Variants in AGMO observed in about 807,000 individuals in gnomAD.
The protein encoded by AGMO is alkylglycerol monooxygenase.
AGMO carries 75 observed loss-of-function variants against 60.2 expected under a neutral mutation model. The ratio of observed to expected loss-of-function variants is 1.25; its 90% CI spans 1.03 to 1.51. The LOEUF (loss-of-function observed/expected upper bound fraction) is 1.51. Among genes scored for constraint, AGMO ranks in the 40% most tolerant of loss-of-function variants. The pLI, the probability that AGMO is intolerant of heterozygous loss-of-function variation, is 0.00. For missense variants in AGMO, 763 were observed against 525.5 expected (o/e 1.45, Z -4.42); for synonymous variants, 261 against 177.1 (o/e 1.47, Z -3.76).
chr7:15,128,811 A>T, the AGMO span, among the ~76,000 whole-genome samples: 1 of 152,096 alleles, frequency 6.6e-6, no homozygotes, highest in Non-Finnish European at 1.5e-5. Context: ...GACAATCAGC[A>T]CTTAAATTAG....
chr7:15,433,779 T>TAA (rs34783562), intron 3 of AGMO, among the ~76,000 whole-genome samples: 1 of 16,148 alleles, frequency 6.2e-5, no homozygotes, highest in African/African-American at 2.3e-4. Context: ...TTAATATATG[T>TAA]ATATGTTATT....
intron 12 of AGMO, among the ~76,000 whole-genome samples, chr7:15,269,085 C>T (rs1783519780): frequency 6.6e-6 from 1 of 151,988 alleles, no homozygotes; most frequent in Non-Finnish European, 1.5e-5. Flanking sequence ...ACGTTTTGTT[C>T]CACTATTCAA....
At chr7:15,332,552 TGACCCATCCTGACCTGAC>T (rs1781530834) in intron 12 of AGMO, among the ~76,000 whole-genome samples, 1 of 152,162 alleles carries the variant, frequency 6.6e-6, no homozygotes, top group Admixed American at 6.6e-5. Flanking sequence ...CTACAGCTTC[TGACCCATCCTGACCTGAC>T]AACCTGATTT....
intron 12 of AGMO, among the ~76,000 whole-genome samples, chr7:15,237,539 A>C (rs938036881): frequency 4.4e-4 from 67 of 152,186 alleles, no homozygotes; most frequent in African/African-American, 1.3e-3. Context: ...TCACCACATG[A>C]AACTACAGAA....
chr7:15,533,049 T>C (rs1784407508), intron 3 of AGMO, among the ~76,000 whole-genome samples: 1 of 152,096 alleles, frequency 6.6e-6, no homozygotes, highest in South Asian at 2.1e-4. Flanking sequence ...AATTCAGTGC[T>C]CATCTTTCAC....
intron 3 of AGMO, among the ~76,000 whole-genome samples, chr7:15,485,114 T>A (rs1215421255): frequency 1.5e-5 from 2 of 130,210 alleles, no homozygotes; most frequent in African/African-American, 6.0e-5. Context: ...CTGGCCAACA[T>A]GGCAAAACCC....
At chr7:15,251,247 A>G (rs1269740035) in intron 12 of AGMO, among the ~76,000 whole-genome samples, 1 of 152,116 alleles carries the variant, frequency 6.6e-6, no homozygotes, top group Non-Finnish European at 1.5e-5. Flanking sequence ...CATGACCAAT[A>G]TGAGCCAATT....
intron 12 of AGMO, among the ~76,000 whole-genome samples, chr7:15,358,653 G>A (rs1782636201): frequency 6.6e-6 from 1 of 152,042 alleles, no homozygotes; most frequent in Non-Finnish European, 1.5e-5. Context: ...CCATTGAGAA[G>A]GAAGCAACCC....
At chr7:15,307,471 G>A (rs536081255) in intron 12 of AGMO, among the ~76,000 whole-genome samples, 2 of 151,812 alleles carry the variant, frequency 1.3e-5, no homozygotes, top group Admixed American at 1.3e-4. Flanking sequence ...GACTCTAGTT[G>A]ATTTGTTTTA....
At chr7:15,161,649 A>T in the AGMO span, among the ~76,000 whole-genome samples, 2 of 150,740 alleles carry the variant, frequency 1.3e-5, no homozygotes, top group African/African-American at 2.4e-5. Flanking sequence ...TATATATATC[A>T]TATATAATCC....
chr7:15,409,042 G>T (rs767980089), intron 5 of AGMO, among the ~76,000 whole-genome samples: 8 of 151,798 alleles, frequency 5.3e-5, no homozygotes, highest in Non-Finnish European at 1.0e-4. Flanking sequence ...TTATTGAGCT[G>T]CACAGTATGG....
chr7:15,213,502 G>C (rs1781652874), intron 12 of AGMO, among the ~76,000 whole-genome samples: 1 of 151,564 alleles, frequency 6.6e-6, no homozygotes, highest in Non-Finnish European at 1.5e-5. Flanking sequence ...TAATAAAAAG[G>C]ATACATCAGA....
At chr7:15,339,104 T>G (rs1431666807) in intron 12 of AGMO, among the ~76,000 whole-genome samples, 5 of 152,150 alleles carry the variant, frequency 3.3e-5, no homozygotes, top group Non-Finnish European at 7.4e-5. Flanking sequence ...CTTCTATAGC[T>G]CTTTCTAGCA....
At chr7:15,212,247 T>TAC (rs57236152) in intron 12 of AGMO, among the ~76,000 whole-genome samples, 36,869 of 146,054 alleles carry the variant, frequency 0.25, 4,846 homozygotes, top group East Asian at 0.44. Context: ...AGGTGTGGAG[T>TAC]ACACACACAC....
At chr7:15,186,468 T>C in the AGMO span, among the ~76,000 whole-genome samples, 1 of 152,168 alleles carries the variant, frequency 6.6e-6, no homozygotes, top group Non-Finnish European at 1.5e-5. Flanking sequence ...AGGAGGCCTG[T>C]AGCTCCTAGT....
At chr7:15,363,286 C>A (rs1782835537) in intron 12 of AGMO, among the ~76,000 whole-genome samples, 2 of 152,138 alleles carry the variant, frequency 1.3e-5, no homozygotes, top group Non-Finnish European at 1.5e-5. Context: ...GATCTCAAGG[C>A]AGGCCAAGGC....
chr7:15,464,174 T>C (rs75492196), intron 3 of AGMO, among the ~76,000 whole-genome samples: 1,980 of 152,276 alleles, frequency 0.013, 38 homozygotes, highest in Middle Eastern at 0.044. Context: ...TGCACACCCA[T>C]TAGAGTTCTT....
intron 5 of AGMO, 139 bp from the exon 6 acceptor site, chr7:15,394,318 T>C: frequency 1.5e-6 from 1 of 661,622 alleles, no homozygotes. Flanking sequence ...GGAAAAAAGT[T>C]CCACTGAAAT....
At chr7:15,248,248 A>G (rs1186379994) in intron 12 of AGMO, among the ~76,000 whole-genome samples, 2 of 120,144 alleles carry the variant, frequency 1.7e-5, no homozygotes, top group East Asian at 5.3e-4. Flanking sequence ...TTCTAGTCTA[A>G]AAATAATTAT....
Sources: allele counts gnomAD v4.1 joint callset (sites outside exome capture counted in the v4.1 genomes callset), GRCh38; gene constraint gnomAD v4.1.1; transcripts MANE v1.5; gene names NCBI Gene and HGNC (gene_info 2026-07-23, HGNC 2026-07-21).